RPS6KA6: variants seen among roughly 807,000 people sequenced by gnomAD.
RPS6KA6 encodes the protein ribosomal protein S6 kinase alpha-6.
RPS6KA6 carries 27 observed loss-of-function variants against 65.4 expected under a neutral mutation model. The observed-to-expected ratio is 0.41, with a 90% CI of 0.30 to 0.57. The LOEUF (loss-of-function observed/expected upper bound fraction) is 0.57, where lower values mean the gene tolerates loss of function less well. Ranked by LOEUF, RPS6KA6 falls within the 20% of genes least tolerant of loss-of-function variation. The pLI is 0.24. For missense variants in RPS6KA6, 486 were observed against 555.6 expected (o/e 0.87, Z 1.26); for synonymous variants, 190 against 184.2 (o/e 1.03, Z -0.26).
chrX:84,149,904 A>G (rs1054825483), intron 3 of RPS6KA6, among the ~76,000 whole-genome samples: 6 of 112,036 alleles, frequency 5.4e-5, no homozygotes, highest in Admixed American at 9.5e-5. Flanking sequence ...TAGCTATGAA[A>G]GGCTAGATGG....
chrX:84,184,472 G>GT (rs1008948517), intron 1 of RPS6KA6, among the ~76,000 whole-genome samples: 1 of 111,712 alleles, frequency 9.0e-6, no homozygotes, highest in Non-Finnish European at 1.9e-5. Context: ...TCTTGAAGAT[G>GT]TTTTTTCTCC....
intron 18 of RPS6KA6, among the ~76,000 whole-genome samples, chrX:84,101,470 T>C (rs1174487201): frequency 9.0e-6 from 1 of 110,789 alleles, no homozygotes; most frequent in East Asian, 2.8e-4. Context: ...TAGATATAAA[T>C]ATTATTTTCC....
chrX:84,165,922 G>A (rs6616910), intron 1 of RPS6KA6, among the ~76,000 whole-genome samples: 5,716 of 111,595 alleles, frequency 0.051, 199 homozygotes, highest in East Asian at 0.2. Context: ...CATGGGAATT[G>A]AAGAATGTGG....
intron 1 of RPS6KA6, among the ~76,000 whole-genome samples, chrX:84,166,534 C>T (rs1317322072): frequency 1.3e-4 from 15 of 111,315 alleles, no homozygotes; most frequent in African/African-American, 4.9e-4. Flanking sequence ...CAATAGATGT[C>T]ATCCAATATG....
intron 3 of RPS6KA6, among the ~76,000 whole-genome samples, chrX:84,151,213 G>T (rs1459473231): frequency 1.1e-5 from 1 of 88,817 alleles, no homozygotes; most frequent in East Asian, 4.6e-4. Context: ...AGATATATAG[G>T]ATATATATAG....
At chrX:84,162,135 GA>G (rs2035524278) in intron 2 of RPS6KA6, among the ~76,000 whole-genome samples, 1 of 110,092 alleles carries the variant, frequency 9.1e-6, no homozygotes, top group Admixed American at 9.7e-5. Flanking sequence ...ACTAGGTGGT[GA>G]AATGTGATAT....
At chrX:84,167,987 A>T (rs2035624687) in intron 1 of RPS6KA6, among the ~76,000 whole-genome samples, 1 of 110,227 alleles carries the variant, frequency 9.1e-6, no homozygotes, top group Admixed American at 9.7e-5. Flanking sequence ...TCTCTATTCT[A>T]AAAAAAAATC....
chrX:84,154,242 T>C (rs1478259408), intron 3 of RPS6KA6, among the ~76,000 whole-genome samples: 3 of 111,670 alleles, frequency 2.7e-5, no homozygotes, highest in African/African-American at 6.5e-5. Flanking sequence ...AGTGTACTCC[T>C]GGCTTCATCT....
rs2035945606 is a variant in RPS6KA6 at position 84,187,698 on chromosome X, A to G, written c.81+121T>C. The G allele has an allele frequency of 9.2e-6, 6 of 651,342 alleles. No homozygotes were observed. The Admixed American group carries it at 1.7e-4, about 19-fold the overall frequency. 53.7% of individuals were successfully genotyped at this position (651,342 alleles called of 1,213,427 possible). On this transcript the variant is annotated intron_variant, in intron 1 of 21. Transcript: ENST00000262752. ...CGAAAGGGCAGTGGAGGCAGCATCA[A>G]GGGGGCTTGCCCGGGAGCCCGCTTC...
At chrX:84,148,226 T>A in intron 3 of RPS6KA6, 103 bp from the exon 4 acceptor site, 1 of 459,999 alleles carries the variant, frequency 2.2e-6, no homozygotes, top group Non-Finnish European at 3.6e-6. Flanking sequence ...GCATTTTCTC[T>A]AATTTTATAA....
At chrX:84,114,553 A>T (rs964202339) in intron 12 of RPS6KA6, among the ~76,000 whole-genome samples, 3 of 111,686 alleles carry the variant, frequency 2.7e-5, no homozygotes, top group African/African-American at 9.8e-5. Context: ...ATCCACATTC[A>T]ATACAATTCC....
chrX:84,119,878 T>G lies in RPS6KA6; in HGVS notation c.789+7A>C. 1 of 1,151,585 alleles carries G rather than the reference T, an allele frequency of 8.7e-7. No homozygotes were observed. Among genetic ancestry groups the G allele is most frequent in the Non-Finnish European group, 1.2e-6 (1 of 866,561 alleles). The allele number at this position is 1,151,585 out of a possible 1,213,427, so 94.9% of individuals were successfully genotyped here. A position where few individuals can be genotyped will look rare whatever the true frequency, so the allele number is the denominator to read the frequency against. ...TTGGCATAATTAAAACAAATAATGCTACTTACCATAAGAACACCATATGAC... is the reference window on the plus strand; with the variant it reads ...TTGGCATAATTAAAACAAATAATGCGACTTACCATAAGAACACCATATGAC... On this transcript the variant is annotated splice_region_variant and intron_variant, in intron 9 of 21. Coordinates refer to ENST00000262752, the MANE Select transcript of RPS6KA6 (RefSeq NM_014496.5).
At chrX:84,184,039 AT>A (rs1366341027) in intron 1 of RPS6KA6, among the ~76,000 whole-genome samples, 3 of 112,201 alleles carry the variant, frequency 2.7e-5, no homozygotes, top group Non-Finnish European at 5.6e-5. Context: ...AGAGTTCAGA[AT>A]TTTTTTAAAA....
intron 5 of RPS6KA6, among the ~76,000 whole-genome samples, chrX:84,145,836 T>C (rs912270433): frequency 5.4e-5 from 6 of 111,073 alleles, no homozygotes; most frequent in African/African-American, 1.3e-4. Context: ...TGCCTAAACT[T>C]AGCCTATCAA....
Position 84,145,556 on chromosome X carries a change from G to A in RPS6KA6, c.423C>T (p.Ala141=). The A allele has an allele frequency of 9.2e-7, 1 of 1,086,814 alleles. No individual in the cohort carries two copies. Among genetic ancestry groups the A allele is most frequent in the South Asian group, 2.2e-5 (1 of 44,978 alleles). 89.6% of individuals were successfully genotyped at this position (1,086,814 alleles called of 1,213,427 possible). The change falls in exon 6 of 22, where the codon GCC becomes GCT. Residue 141 remains alanine, a splice_region_variant and synonymous_variant. Coordinates refer to ENST00000262752, the MANE Select transcript of RPS6KA6 (RefSeq NM_014496.5). ...NHPFIVKLHY[A]FQTEGKLYLI... ...AGTACAGTTTCCCTTCAGTCTGAAA[G>A]GCTAATTAAAAATTAGAATATAGTA...
chrX:84,135,297 C>A, intron 6 of RPS6KA6, 87 bp from the exon 7 acceptor site: 1 of 573,383 alleles, frequency 1.7e-6, no homozygotes, highest in Admixed American at 3.5e-5. Context: ...AGTAGACAGA[C>A]AAATCTAGGA....
At chrX:84,130,764 C>T (rs190663600) in intron 8 of RPS6KA6, among the ~76,000 whole-genome samples, 1 of 111,370 alleles carries the variant, frequency 9.0e-6, no homozygotes, top group Non-Finnish European at 1.9e-5. Context: ...AGGCTGTATA[C>T]TGTATGCCTC....
chrX:84,096,673 A>G (rs140433262), intron 19 of RPS6KA6, among the ~76,000 whole-genome samples: 1,396 of 111,709 alleles, frequency 0.012, 23 homozygotes, highest in African/African-American at 0.043. Context: ...TAAAAAGAAA[A>G]TGTTAATTTC....
intron 9 of RPS6KA6, among the ~76,000 whole-genome samples, chrX:84,118,034 A>T (rs1390832047): frequency 9.0e-6 from 1 of 111,560 alleles, no homozygotes; most frequent in Non-Finnish European, 1.9e-5. Context: ...CATTTTCTCA[A>T]AGAGAACTGA....
Sources: gnomAD v4.1 joint callset for allele counts (sites outside exome capture counted in the v4.1 genomes callset) on GRCh38, gnomAD v4.1.1 for gene constraint, MANE v1.5 for transcripts, NCBI Gene and HGNC (gene_info 2026-07-23, HGNC 2026-07-21) for gene names.